The following LIMD2 variants were observed in gnomAD, a reference collection of about 807,000 sequenced individuals.
LIMD2 encodes the protein LIM domain-containing protein 2.
Under a neutral mutation model 16.0 loss-of-function variants are expected in LIMD2, and 11 were observed. The ratio of observed to expected loss-of-function variants is 0.69; its 90% confidence interval spans 0.43 to 1.14. The LOEUF (loss-of-function observed/expected upper bound fraction) is 1.14. Ranked by LOEUF, LIMD2 falls within the 50% of genes most tolerant of loss-of-function variation. LIMD2 has a pLI of 0.00. For synonymous variants in LIMD2, 60 were observed against 67.1 expected (o/e 0.89, Z 0.52); for missense variants, 168 against 165.8 (o/e 1.01, Z -0.07).
upstream of LIMD2, chr17:63,700,280 C>A: frequency 2.1e-6 from 1 of 483,946 alleles, no homozygotes; most frequent in South Asian, 8.1e-5. The surrounding 1 kb of genome is among the most constrained non-coding windows in gnomAD (Gnocchi z 7.1). Flanking sequence ...CCCTCGCCGC[C>A]GTCCCCGCCT....
intron 2 of LIMD2, 52 bp downstream of exon 2, chr17:63,699,205 C>T: frequency 6.2e-7 from 1 of 1,604,806 alleles, no homozygotes; most frequent in Non-Finnish European, 8.5e-7. Context: ...CTCCCCTTCA[C>T]CCCAGGCCAG....
At chr17:63,700,248 C>A, upstream of LIMD2, 1 of 755,726 alleles carries the variant, frequency 1.3e-6, no homozygotes, top group Non-Finnish European at 1.6e-6. This position sits in a 1 kb window ranked among gnomAD's most constrained non-coding sequence, Gnocchi z 7.1. Context: ...CCGCCGCCGA[C>A]CCCCCTCCGC....
Position 63,695,984 on chromosome 17 carries a change from A to G in LIMD2, c.*2568T>C, listed in dbSNP as rs1263996043. ...GGGTGACCTGGGCCCAAAGGTTCTG[A>G]AGGGCAGTTCCTGGCAGCCCCAGGC... is the stretch of plus-strand genomic sequence containing the variant. On this transcript the variant is annotated 3_prime_UTR_variant, in exon 5 of 5. Coordinates refer to ENST00000259006, the MANE Select transcript of LIMD2 (RefSeq NM_030576.4). The surrounding 1 kb of genome is among the most constrained non-coding windows in gnomAD (Gnocchi z 4.1). The G allele has an allele frequency of 6.6e-6, 1 of 152,560 alleles. No individual in the cohort carries two copies. Among genetic ancestry groups the G allele is most frequent in the East Asian group, 1.9e-4 (1 of 5,182 alleles). 9.5% of individuals were successfully genotyped at this position (152,560 alleles called of 1,614,324 possible).
upstream of LIMD2, chr17:63,701,097 AC>A (rs1449211195): frequency 6.6e-6 from 1 of 152,204 alleles, no homozygotes; most frequent in Non-Finnish European, 1.5e-5. Flanking sequence ...CCGGCGAGAG[AC>A]GGCCACTCGC....
At chr17:63,699,799 C>G in intron 1 of LIMD2, 1 of 912,526 alleles carries the variant, frequency 1.1e-6, no homozygotes, top group Non-Finnish European at 1.3e-6. Context: ...CCTCGGCCCC[C>G]GACCTGGCCC....
At chr17:63,700,828 C>G (rs2143683209), upstream of LIMD2, 1 of 152,218 alleles carries the variant, frequency 6.6e-6, no homozygotes, top group Middle Eastern at 3.4e-3. This position sits in a 1 kb window ranked among gnomAD's most constrained non-coding sequence, Gnocchi z 7.1. Flanking sequence ...CCGGCAGCCC[C>G]CCCAGCCCTC....
In LIMD2 at chr17:63,699,065, G is replaced by A. The variant is rs555698558; in HGVS notation, c.47C>T (p.Ala16Val). The A allele has an allele frequency of 2.5e-6, 4 of 1,605,524 alleles. No homozygotes were observed. The highest frequency in any genetic ancestry group is 2.7e-5 in the African/African-American group (2 of 74,836). Residue 16 changes from alanine (A) to valine (V), a missense_variant, in exon 3 of 5, where the codon GCC becomes GTC. Physicochemically the swap from Ala to Val is moderately conservative, Grantham distance 64. Transcript: ENST00000259006. ...CACCGTGCTGCTGCCGCCGCCTTTG[G>A]CGTCCTGAGGGAGAGGGGCGGTCAG... ...GAAQATPSHD[A>V]KGGGSSTVQR...
In LIMD2 at chr17:63,698,944, C is replaced by A. The variant is rs375255846; in HGVS notation, c.85-6G>T. ...TGGGCCCGCAGGCTGAAGGACTGTGCGGGAAGCTCAGCCAGGTGCTGCCCC... is the reference window on the plus strand; with the variant it reads ...TGGGCCCGCAGGCTGAAGGACTGTGAGGGAAGCTCAGCCAGGTGCTGCCCC... On this transcript the variant is annotated splice_polypyrimidine_tract_variant and splice_region_variant and intron_variant, in intron 3 of 4. Coordinates refer to ENST00000259006, the MANE Select transcript of LIMD2 (RefSeq NM_030576.4). The A allele has an allele frequency of 9.9e-6, 16 of 1,612,538 alleles. No homozygotes were observed. Among genetic ancestry groups the A allele is most frequent in the Non-Finnish European group, 1.4e-5 (16 of 1,179,846 alleles).
intron 4 of LIMD2, 38 bp from the exon 5 acceptor site, chr17:63,698,749 T>G: frequency 6.4e-7 from 1 of 1,565,738 alleles, no homozygotes; most frequent in Non-Finnish European, 8.7e-7. Context: ...TCAGGTCAGG[T>G]CGGGGCTGGG....
rs2035701857 is a variant in LIMD2, at chr17:63,696,874, TGCTCCCTCGAGGA to T, written c.*1665_*1677del. ...CACCATCTCTGCTGAGTATTCGCTCTGCTCCCTCGAGGAGCAGTGCCTGCCTCAGCATAGTGAC... is the reference window on the plus strand; with the variant it reads ...CACCATCTCTGCTGAGTATTCGCTCTGCAGTGCCTGCCTCAGCATAGTGAC... On this transcript the variant is annotated 3_prime_UTR_variant, in exon 5 of 5. Transcript: ENST00000259006. 1 of 152,306 alleles carries T rather than the reference TGCTCCCTCGAGGA, an allele frequency of 6.6e-6. No homozygotes were observed. The highest frequency in any genetic ancestry group is 6.5e-5 in the Admixed American group (1 of 15,290). 9.4% of individuals were successfully genotyped at this position (152,306 alleles called of 1,614,324 possible). A position where few individuals can be genotyped will look rare whatever the true frequency, so the allele number is the denominator to read the frequency against.
chr17:63,700,187 C>A, upstream of LIMD2: 3 of 979,926 alleles, frequency 3.1e-6, no homozygotes, highest in Non-Finnish European at 3.6e-6. The surrounding 1 kb of genome is among the most constrained non-coding windows in gnomAD (Gnocchi z 7.1). Context: ...CCCCGCCCCG[C>A]GCCCGCCCAT....
intron 2 of LIMD2, 60 bp downstream of exon 2, chr17:63,699,197 C>G (rs1160683698): frequency 6.2e-7 from 1 of 1,600,924 alleles, no homozygotes; most frequent in African/African-American, 1.3e-5. Flanking sequence ...TGATGCCTCT[C>G]CCCTTCACCC....
chr17:63,699,477 G>A, intron 1 of LIMD2, 129 bp from the exon 2 acceptor site: 1 of 878,828 alleles, frequency 1.1e-6, no homozygotes, highest in Non-Finnish European at 1.7e-6. Context: ...TGTTGCTCTT[G>A]GTCTTGCCAC....
rs866802129 is a variant in LIMD2 at position 63,699,499 on chromosome 17, A to C, written c.-50-151T>G. The C allele has an allele frequency of 9.8e-5, 65 of 660,558 alleles. 1 individual carries two copies. In the Middle Eastern group the frequency reaches 1.3e-3, roughly 13 times the overall value. The allele number at this position is 660,558 out of a possible 1,614,324, so 40.9% of individuals were successfully genotyped here. A position where few individuals can be genotyped will look rare whatever the true frequency, so the allele number is the denominator to read the frequency against. On this transcript the variant is annotated intron_variant, in intron 1 of 4. Transcript: ENST00000259006. Reference sequence around the variant, plus strand: ...CTTGGTCTTGCCACTTCCGCCCCTCACCCACCTCCCCCACCCCTGCTCCCC... The same window carrying C: ...CTTGGTCTTGCCACTTCCGCCCCTCCCCCACCTCCCCCACCCCTGCTCCCC...
At chr17:63,698,733 G>C in intron 4 of LIMD2, 22 bp from the exon 5 acceptor site, 1 of 1,611,424 alleles carries the variant, frequency 6.2e-7, no homozygotes, top group East Asian at 2.2e-5. Context: ...AAACAACGGC[G>C]TCAGGTCAGG....
Position 63,697,327 on chromosome 17 carries a change from C to A in LIMD2, c.*1225G>T, listed in dbSNP as rs145477140. On this transcript the variant is annotated 3_prime_UTR_variant, in exon 5 of 5. Transcript: ENST00000259006. Reference sequence around the variant, plus strand: ...ATCCAGGGGTCACTAAAACCTTGGGCAGCACTTGCTGGGTCTGCTGGTTAC... The same window carrying A: ...ATCCAGGGGTCACTAAAACCTTGGGAAGCACTTGCTGGGTCTGCTGGTTAC... The A allele has an allele frequency of 1.3e-5, 2 of 152,436 alleles. No homozygotes were observed. The highest frequency in any genetic ancestry group is 4.8e-5 in the African/African-American group (2 of 41,550). The allele number at this position is 152,436 out of a possible 1,614,324, so 9.4% of individuals were successfully genotyped here. A position where few individuals can be genotyped will look rare whatever the true frequency, so the allele number is the denominator to read the frequency against.
rs1410101382 is a variant in LIMD2 at position 63,698,872 on chromosome 17, C to A, written c.151G>T (p.Glu51Ter). 1.2e-6 allele frequency: 2 copies of A among 1,612,924 alleles called. No individual in the cohort carries two copies. Among genetic ancestry groups the A allele is most frequent in the Non-Finnish European group, 1.7e-6 (2 of 1,179,936 alleles). Residue 51 changes from glutamate to a stop codon, truncating the protein, a stop_gained, in exon 4 of 5, where the codon GAG becomes TAG. Coordinates refer to ENST00000259006, the MANE Select transcript of LIMD2 (RefSeq NM_030576.4). LOFTEE classifies it high-confidence loss of function. ...ATGAGCTTGTCGGCCACCAGCCGCT[C>A]CATGGGGTACACGGTCTTCTGGCAG... is the stretch of plus-strand genomic sequence containing the variant. Reference protein sequence around the residue: ...AACQKTVYPMERLVADKLIFH... With the variant: ...AACQKTVYPM
At chr17:63,700,804 A>AGGGCCCGGC (rs1568163919), upstream of LIMD2, 1 of 120,700 alleles carries the variant, frequency 8.3e-6, no homozygotes, top group African/African-American at 2.8e-5. This position sits in a 1 kb window ranked among gnomAD's most constrained non-coding sequence, Gnocchi z 7.1. Flanking sequence ...AGCCTGCACG[A>AGGGCCCGGC]GGGCCCGGCA....
At chr17:63,701,153 T>C (rs970118234), upstream of LIMD2, 1 of 152,312 alleles carries the variant, frequency 6.6e-6, no homozygotes, top group East Asian at 1.9e-4. Flanking sequence ...CACCAGGGAC[T>C]GCGTGGCTTG....
Sources: gnomAD v4.1 joint callset for allele counts on GRCh38, gnomAD v4.1.1 for gene constraint, Gnocchi (gnomAD v3.1) non-coding constraint, MANE v1.5 for transcripts, NCBI Gene and HGNC (gene_info 2026-07-23, HGNC 2026-07-21) for gene names.